GJA1: variants seen among roughly 807,000 people sequenced by gnomAD.
The protein encoded by GJA1 is gap junction alpha-1 protein.
GJA1 carries 9 observed loss-of-function variants against 31.0 expected under a neutral mutation model. The ratio of observed to expected loss-of-function variants is 0.29; its 90% CI spans 0.17 to 0.51. The LOEUF (loss-of-function observed/expected upper bound fraction) is 0.51. GJA1 is among the 20% of genes least tolerant of loss of function. The pLI, the probability that GJA1 is intolerant of heterozygous loss-of-function variation, is 0.98. For synonymous variants in GJA1, 186 were observed against 180.1 expected (o/e 1.03, Z -0.26); for missense variants, 278 against 468.8 (o/e 0.59, Z 3.76).
rs372983194 is a variant in GJA1 at position 121,447,601 on chromosome 6, G to T, written c.754G>T (p.Gly252Cys). ...GKSDPYHATS[G>C]ALSPAKDCGS... ...GAGCGACCCTTACCATGCGACCAGT[G>T]GTGCGCTGAGCCCTGCCAAAGACTG... is the stretch of plus-strand genomic sequence containing the variant. Residue 252 changes from glycine (G) to cysteine (C), a missense_variant, in exon 2 of 2, where the codon GGT becomes TGT. Physicochemically the swap from Gly to Cys is radical, Grantham distance 159. Transcript: ENST00000282561. The T allele has an allele frequency of 3.7e-6, 6 of 1,613,922 alleles. No individual in the cohort carries two copies. Among genetic ancestry groups the T allele is most frequent in the South Asian group, 1.1e-5 (1 of 91,064 alleles).
At chr6:121,445,330 A>G (rs1245564621) in intron 1 of GJA1, among the ~76,000 whole-genome samples, 1 of 152,122 alleles carries the variant, frequency 6.6e-6, no homozygotes, top group African/African-American at 2.4e-5. Flanking sequence ...TATTTTTTGT[A>G]GAGACGGGGT....
At position 121,436,183 on chromosome 6, in the gene GJA1, G is replaced by GT. The variant is rs1491351864; in HGVS notation, c.-17+352dup. Among the ~76,000 whole-genome samples, 259 of 100,742 alleles carry GT rather than the reference G, an allele frequency of 2.6e-3. 17 individuals carry two copies. The highest frequency in any genetic ancestry group is 0.012 in the African/African-American group (249 of 21,618). The allele number at this position is 100,742 out of a possible 152,430, so 66.1% of individuals were successfully genotyped here. On this transcript the variant is annotated intron_variant, in intron 1 of 1. Transcript: ENST00000282561. ...TAGTCTAGGTGCTATCATTTGTTGG[G>GT]TGGGGGGGGGGCGGTTAGGCGCCTG...
intron 1 of GJA1, among the ~76,000 whole-genome samples, chr6:121,439,294 A>G (rs982683058): frequency 1.3e-5 from 2 of 152,346 alleles, no homozygotes; most frequent in East Asian, 3.9e-4. Flanking sequence ...AGAGCATCAC[A>G]TGCATGAGTT....
chr6:121,440,104 A>G (rs974059776), intron 1 of GJA1, among the ~76,000 whole-genome samples: 2 of 152,108 alleles, frequency 1.3e-5, no homozygotes, highest in African/African-American at 2.4e-5. Flanking sequence ...TAAACAGGCT[A>G]TTTCTTCTTG....
rs1008848376 is a variant in GJA1 at position 121,445,990 on chromosome 6, T to C, written c.-16-842T>C. Among the ~76,000 whole-genome samples the C allele has an allele frequency of 6.6e-5, 10 of 152,212 alleles. 1 individual carries two copies. The East Asian group carries it at 1.4e-3, about 21-fold the overall frequency. ...TAGGGTATGCACAAATTACACTTGA[T>C]ATACCATTGAAAAATCTTCCAGAGG... On this transcript the variant is annotated intron_variant, in intron 1 of 1. Coordinates refer to ENST00000282561, the MANE Select transcript of GJA1 (RefSeq NM_000165.5).
At chr6:121,445,169 G>T (rs1227519684) in intron 1 of GJA1, among the ~76,000 whole-genome samples, 1 of 152,130 alleles carries the variant, frequency 6.6e-6, no homozygotes. Context: ...CATCTTTTTA[G>T]TGAGACGGAG....
chr6:121,436,858 G>A (rs1049085981), intron 1 of GJA1, among the ~76,000 whole-genome samples: 2 of 152,164 alleles, frequency 1.3e-5, no homozygotes, highest in Non-Finnish European at 2.9e-5. Context: ...ACGCTAATGC[G>A]TTGTTTAAAA....
At chr6:121,436,988 ATTAGT>A (rs1179293552) in intron 1 of GJA1, among the ~76,000 whole-genome samples, 1 of 152,276 alleles carries the variant, frequency 6.6e-6, no homozygotes, top group Non-Finnish European at 1.5e-5. Flanking sequence ...AACTAAAATA[ATTAGT>A]TTAGATTCTT....
Position 121,441,412 on chromosome 6 carries a change from G to A in GJA1, c.-16-5420G>A, listed in dbSNP as rs1773779129. Among the ~76,000 whole-genome samples the A allele has an allele frequency of 2.6e-5, 4 of 152,146 alleles. No homozygotes were observed. In the South Asian group the frequency reaches 8.3e-4, roughly 32 times the overall value. Reference sequence around the variant, plus strand: ...TCTTTCAAGCACTGGGGATACAGCAGTGAACAAAGCAAACTCCCTCGTATT... The same window carrying A: ...TCTTTCAAGCACTGGGGATACAGCAATGAACAAAGCAAACTCCCTCGTATT... On this transcript the variant is annotated intron_variant, in intron 1 of 1. Coordinates refer to ENST00000282561, the MANE Select transcript of GJA1 (RefSeq NM_000165.5).
At chr6:121,438,552 A>G (rs1418600532) in intron 1 of GJA1, among the ~76,000 whole-genome samples, 1 of 151,958 alleles carries the variant, frequency 6.6e-6, no homozygotes, top group Non-Finnish European at 1.5e-5. Flanking sequence ...TATATATGAT[A>G]CCCGCAGGGA....
Position 121,447,606 on chromosome 6 carries a change from G to T in GJA1, c.759G>T (p.Ala253=), listed in dbSNP as rs767327649. The stretch of plus-strand genomic sequence containing the variant: ...ACCCTTACCATGCGACCAGTGGTGC[G>T]CTGAGCCCTGCCAAAGACTGTGGGT... The part of the protein sequence containing the change: ...KSDPYHATSG[A]LSPAKDCGSQ... The change falls in exon 2 of 2, where the codon GCG becomes GCT. Residue 253 remains alanine (A), a synonymous_variant. Transcript: ENST00000282561. 6.8e-6 allele frequency: 11 copies of T among 1,613,876 alleles called. No individual in the cohort carries two copies. The highest frequency in any genetic ancestry group is 5.5e-5 in the South Asian group (5 of 91,054).
In GJA1 at chr6:121,447,197, A is replaced by G. The variant is rs748292452; in HGVS notation, c.350A>G (p.Gln117Arg). Residue 117 changes from glutamine (Q) to arginine (R), a missense_variant, in exon 2 of 2, where the codon CAA becomes CGA. By Grantham distance (43) the Gln-to-Arg change is conservative (BLOSUM62 1). Around this residue, in one of 3 missense-constraint regions of GJA1, gnomAD observed 80 missense variants for 163.5 expected, o/e 0.49. Coordinates refer to ENST00000282561, the MANE Select transcript of GJA1 (RefSeq NM_000165.5). ...AAAGAGGAAGAACTCAAGGTTGCCC[A>G]AACTGATGGTGTCAATGTGGACATG... is the stretch of plus-strand genomic sequence containing the variant. ...NKKEEELKVA[Q>R]TDGVNVDMHL... 6.2e-6 allele frequency: 10 copies of G among 1,614,070 alleles called. No individual in the cohort carries two copies. Among genetic ancestry groups the G allele is most frequent in the Non-Finnish European group, 8.5e-6 (10 of 1,179,926 alleles).
chr6:121,447,799 A>C lies in GJA1; in HGVS notation c.952A>C (p.Asn318His), dbSNP rs143898957. 2.8e-5 allele frequency: 45 copies of C among 1,613,836 alleles called. No homozygotes were observed. Among genetic ancestry groups the C allele is most frequent in the Non-Finnish European group, 3.6e-5 (43 of 1,179,940 alleles). Residue 318 changes from asparagine (N) to histidine (H), a missense_variant, in exon 2 of 2, where the codon AAT becomes CAT. By Grantham distance (68) the Asn-to-His change is moderately conservative (BLOSUM62 1). Around this residue, in one of 3 missense-constraint regions of GJA1, gnomAD observed 172 missense variants for 190.9 expected, o/e 0.90. Transcript: ENST00000282561. The part of the protein sequence containing the change: ...QNWANYSAEQ[N>H]RMGQAGSTIS... ...CTGGGCTAATTACAGTGCAGAACAA[A>C]ATCGAATGGGGCAGGCGGGAAGCAC... is the stretch of plus-strand genomic sequence containing the variant.
At chr6:121,443,402 G>A (rs1385142330) in intron 1 of GJA1, among the ~76,000 whole-genome samples, 3 of 152,136 alleles carry the variant, frequency 2.0e-5, no homozygotes, top group Non-Finnish European at 2.9e-5. Flanking sequence ...ATCTTATTAA[G>A]ATGAAAGAGT....
intron 1 of GJA1, among the ~76,000 whole-genome samples, chr6:121,438,800 T>C (rs1773713516): frequency 6.6e-6 from 1 of 152,172 alleles, no homozygotes; most frequent in Admixed American, 6.5e-5. Flanking sequence ...GGGAGATTAA[T>C]GTATATATTT....
intron 1 of GJA1, among the ~76,000 whole-genome samples, chr6:121,442,811 A>AG (rs1481632076): frequency 2.0e-5 from 3 of 152,160 alleles, no homozygotes; most frequent in Non-Finnish European, 4.4e-5. Flanking sequence ...CATCCAGTCT[A>AG]GGGGGCCATG....
chr6:121,440,254 A>G lies in GJA1; in HGVS notation c.-17+4422A>G, dbSNP rs947539036. Among the ~76,000 whole-genome samples, 5 of 152,112 alleles carry G rather than the reference A, an allele frequency of 3.3e-5. No homozygotes were observed. The East Asian group carries it at 9.6e-4, about 29-fold the overall frequency. On this transcript the variant is annotated intron_variant, in intron 1 of 1. Coordinates refer to ENST00000282561, the MANE Select transcript of GJA1 (RefSeq NM_000165.5). ...TTAAATCTTAACCTGCAACAACCTA[A>G]CAGTGAACTGAATGTACAAGCATGA...
rs746726971 is a variant in GJA1, at chr6:121,447,552, C to T, written c.705C>T (p.Gly235=). 1.5e-5 allele frequency: 24 copies of T among 1,613,594 alleles called. No individual in the cohort carries two copies. Among genetic ancestry groups the T allele is most frequent in the Admixed American group, 6.7e-5 (4 of 59,972 alleles). ...IIELFYVFFK[G]VKDRVKGKSD... ...AACTCTTCTATGTTTTCTTCAAGGG[C>T]GTTAAGGATCGGGTTAAGGGAAAGA... Residue 235 remains glycine, a synonymous_variant, in exon 2 of 2, where the codon GGC becomes GGT. Coordinates refer to ENST00000282561, the MANE Select transcript of GJA1 (RefSeq NM_000165.5).
Position 121,447,752 on chromosome 6 carries a change from A to G in GJA1, c.905A>G (p.Asn302Ser), listed in dbSNP as rs746806096. Reference sequence around the variant, plus strand: ...AACAATTCTTCTTGCCGCAATTACAACAAGCAAGCAAGTGAGCAAAACTGG... The same window carrying G: ...AACAATTCTTCTTGCCGCAATTACAGCAAGCAAGCAAGTGAGCAAAACTGG... ...DRNNSSCRNYNKQASEQNWAN... is the reference protein window; with the variant it reads ...DRNNSSCRNYSKQASEQNWAN... The change falls in exon 2 of 2, where the codon AAC (asparagine) becomes AGC (serine). Residue 302 changes from asparagine (N) to serine (S), a missense_variant. This residue lies in a region of GJA1 where 172 missense variants were observed against 190.9 expected (regional missense o/e 0.90). Transcript: ENST00000282561. 1.2e-5 allele frequency: 19 copies of G among 1,613,950 alleles called. No individual in the cohort carries two copies. In the Admixed American group the frequency reaches 2.2e-4, roughly 18 times the overall value.
Sources: allele counts gnomAD v4.1 joint callset (sites outside exome capture counted in the v4.1 genomes callset), GRCh38; gene constraint gnomAD v4.1.1; regional missense constraint gnomAD v4.1.1; transcripts MANE v1.5; gene names NCBI Gene and HGNC (gene_info 2026-07-23, HGNC 2026-07-21).